Variants in RANBP2 observed in about 807,000 individuals in gnomAD.
The protein encoded by RANBP2 is E3 SUMO-protein ligase RanBP2.
RANBP2 carries 57 observed loss-of-function variants against 303.6 expected under a neutral mutation model. The observed-to-expected ratio is 0.19, with a 90% confidence interval of 0.15 to 0.23. RANBP2 has a LOEUF of 0.23. RANBP2 is among the 10% of genes least tolerant of loss of function. The probability of loss-of-function intolerance (pLI) is 1.00; values close to 1 mark genes in which losing one functional copy is unlikely to be tolerated. For synonymous variants in RANBP2, 1,167 were observed against 1,301.5 expected (o/e 0.90, Z 2.23); for missense variants, 3,138 against 3,780.8 (o/e 0.83, Z 4.46).
the RANBP2 span, among the ~76,000 whole-genome samples, chr2:108,829,335 T>A: frequency 6.6e-6 from 1 of 152,152 alleles, no homozygotes; most frequent in Non-Finnish European, 1.5e-5. Context: ...AGAACCTAAA[T>A]AGCTATTTCT....
At chr2:109,713,974 G>C in the RANBP2 span, among the ~76,000 whole-genome samples, 1 of 152,228 alleles carries the variant, frequency 6.6e-6, no homozygotes, top group Non-Finnish European at 1.5e-5. Flanking sequence ...CTATCTACCT[G>C]GAGTTGGAGT....
chr2:109,526,866 T>C, the RANBP2 span, among the ~76,000 whole-genome samples: 2 of 152,132 alleles, frequency 1.3e-5, no homozygotes, highest in African/African-American at 4.8e-5. Context: ...TCTGATGGCC[T>C]ACAAATGTGT....
At chr2:109,151,595 T>A in the RANBP2 span, among the ~76,000 whole-genome samples, 3 of 152,240 alleles carry the variant, frequency 2.0e-5, no homozygotes, top group Non-Finnish European at 4.4e-5. Flanking sequence ...ACTTATTAAT[T>A]TGCATCCTTT....
the RANBP2 span, among the ~76,000 whole-genome samples, chr2:109,353,420 C>G: frequency 2.0e-5 from 3 of 152,216 alleles, no homozygotes; most frequent in African/African-American, 7.2e-5. Flanking sequence ...ACTCCCTGTC[C>G]ACACCCTTTC....
the RANBP2 span, among the ~76,000 whole-genome samples, chr2:108,989,942 A>G: frequency 6.6e-6 from 1 of 152,120 alleles, no homozygotes; most frequent in Non-Finnish European, 1.5e-5. Flanking sequence ...CTCCTTTTCC[A>G]TCTTGTCCCC....
At chr2:109,636,883 G>A in the RANBP2 span, among the ~76,000 whole-genome samples, 1 of 152,052 alleles carries the variant, frequency 6.6e-6, no homozygotes, top group African/African-American at 2.4e-5. Flanking sequence ...TTTCTAGTCG[G>A]GTGGGACGAG....
At chr2:109,629,341 ATATATATATATATATT>A in the RANBP2 span, among the ~76,000 whole-genome samples, 693 of 8,168 alleles carry the variant, frequency 0.085, 26 homozygotes, top group Non-Finnish European at 0.14. Context: ...ATATATATAT[ATATATATATATATATT>A]TTTTTTTTTT....
chr2:109,531,717 GCT>G, the RANBP2 span, among the ~76,000 whole-genome samples: 1 of 152,180 alleles, frequency 6.6e-6, no homozygotes, highest in Non-Finnish European at 1.5e-5. Context: ...ATACCACAGG[GCT>G]CTGTCACGTC....
chr2:109,564,608 G>T, the RANBP2 span: 1 of 1,271,472 alleles, frequency 7.9e-7, no homozygotes, highest in South Asian at 2.3e-5. Context: ...TTTGCTGAAT[G>T]AACAAATAAA....
the RANBP2 span, among the ~76,000 whole-genome samples, chr2:109,528,773 T>C: frequency 4.6e-5 from 7 of 151,728 alleles, no homozygotes; most frequent in Admixed American, 1.3e-4. Context: ...ACAAAGGGGG[T>C]TAAGGTTGCC....
chr2:109,185,948 G>A, the RANBP2 span, among the ~76,000 whole-genome samples: 2 of 152,190 alleles, frequency 1.3e-5, no homozygotes, highest in African/African-American at 2.4e-5. Flanking sequence ...CCTGTGCCCC[G>A]TGCTTGGCCA....
chr2:109,083,761 T>A, the RANBP2 span, among the ~76,000 whole-genome samples: 16 of 152,224 alleles, frequency 1.1e-4, no homozygotes, highest in African/African-American at 3.6e-4. Flanking sequence ...CCTCTTACAT[T>A]CCCACCTGCA....
the RANBP2 span, among the ~76,000 whole-genome samples, chr2:109,647,304 C>T: frequency 4.0e-5 from 6 of 151,856 alleles, no homozygotes; most frequent in Non-Finnish European, 7.4e-5. Context: ...TCTGGGACTA[C>T]AGGCGTGTGC....
In RANBP2 at chr2:108,781,326, G is replaced by A; in HGVS notation, c.8657G>A (p.Gly2886Glu). The stretch of plus-strand genomic sequence containing the variant: ...GCTGTGTTTGGAACACAGTCAGTCG[G>A]AACCCAGTCAGCCGGTAAAGTTGGT... ...GAAVFGTQSV[G>E]TQSAGKVGED... Residue 2886 changes from glycine (G) to glutamate (E), a missense_variant, in exon 26 of 29, where the codon GGA (glycine) becomes GAA (glutamate). Gly to Glu is a moderately conservative substitution (Grantham distance 98). Around this residue, in one of 20 missense-constraint regions of RANBP2, gnomAD observed 497 missense variants for 465.8 expected, o/e 1.07. Transcript: ENST00000283195. 1 of 1,614,160 alleles carries A rather than the reference G, an allele frequency of 6.2e-7. No homozygotes were observed. Among genetic ancestry groups the A allele is most frequent in the Non-Finnish European group, 8.5e-7 (1 of 1,180,030 alleles).
chr2:108,836,142 G>A, the RANBP2 span, among the ~76,000 whole-genome samples: 3 of 151,970 alleles, frequency 2.0e-5, no homozygotes, highest in Non-Finnish European at 2.9e-5. Context: ...AAACCATAGC[G>A]CTTATTAAAT....
the RANBP2 span, chr2:109,504,189 G>T: frequency 3.9e-5 from 6 of 152,222 alleles, no homozygotes; most frequent in African/African-American, 1.4e-4. Flanking sequence ...CACATGTTTG[G>T]CGGTTAAGAT....
At chr2:108,739,457 A>T (rs1695891340) in intron 6 of RANBP2, among the ~76,000 whole-genome samples, 1 of 152,110 alleles carries the variant, frequency 6.6e-6, no homozygotes. Context: ...GAGTATGTAA[A>T]ATATAAATTT....
chr2:109,645,651 C>A, the RANBP2 span, among the ~76,000 whole-genome samples: 3 of 152,172 alleles, frequency 2.0e-5, no homozygotes, highest in Non-Finnish European at 4.4e-5. Flanking sequence ...AAGAGTCAGC[C>A]TGTCTAGACT....
chr2:109,550,557 A>G, the RANBP2 span, among the ~76,000 whole-genome samples: 1 of 151,938 alleles, frequency 6.6e-6, no homozygotes, highest in African/African-American at 2.4e-5. Context: ...CAAGTGATCC[A>G]CCCACCTCGG....
Sources: gnomAD v4.1 joint callset for allele counts (sites outside exome capture counted in the v4.1 genomes callset) on GRCh38, gnomAD v4.1.1 for gene constraint, gnomAD v4.1.1 regional missense constraint, MANE v1.5 for transcripts, NCBI Gene and HGNC (gene_info 2026-07-23, HGNC 2026-07-21) for gene names.